The following MTMR11 variants were observed in gnomAD, a reference collection of about 807,000 sequenced individuals.
MTMR11 encodes the protein myotubularin-related protein 11.
In MTMR11, 89 loss-of-function variants were observed where a neutral mutation model predicts 100.0. The observed-to-expected ratio is 0.89, with a 90% CI of 0.75 to 1.06. MTMR11 has a LOEUF of 1.06. MTMR11 is among the 50% of genes least tolerant of loss of function. The pLI is 0.00. For missense variants in MTMR11, 809 were observed against 873.7 expected (o/e 0.93, Z 0.93); for synonymous variants, 336 against 326.3 (o/e 1.03, Z -0.32).
chr1:149,928,847 A>G lies in MTMR11; in HGVS notation c.*282T>C. 1 of 1,606,670 alleles carries G rather than the reference A, an allele frequency of 6.2e-7. No homozygotes were observed. The highest frequency in any genetic ancestry group is 8.5e-7 in the Non-Finnish European group (1 of 1,173,196). ...GGCCATCTTGTTGGGACTGATGAAC[A>G]GCATCTCTGATCTCATGATTTAACA... On this transcript the variant is annotated 3_prime_UTR_variant, in exon 17 of 17. Transcript: ENST00000439741.
At position 149,929,243 on chromosome 1, in the gene MTMR11, C is replaced by T. The variant is rs1553766805; in HGVS notation, c.2016G>A (p.Trp672Ter). ...GATCCTCAGGAGATATTCTTGGTGTCCATTTCCGTAATAACTCCTGAAGAT... is the reference window on the plus strand; with the variant it reads ...GATCCTCAGGAGATATTCTTGGTGTTCATTTCCGTAATAACTCCTGAAGAT... ...LSHLQELLRK[W>*]TPRISPEDHS... The change falls in exon 17 of 17, where the codon TGG becomes TGA. Residue 672 changes from tryptophan (W) to a stop codon, truncating the protein, a stop_gained. Coordinates refer to ENST00000439741, the MANE Select transcript of MTMR11 (RefSeq NM_001145862.2). LOFTEE classifies it high-confidence loss of function. 2.5e-6 allele frequency: 4 copies of T among 1,614,126 alleles called. No homozygotes were observed. The South Asian group carries it at 3.3e-5, about 13-fold the overall frequency.
rs2092663051 is a variant in MTMR11, at chr1:149,931,708, T to C, written c.1123+236A>G. The stretch of plus-strand genomic sequence containing the variant: ...ACTGCCCTTCCCACCCCAACCCCAG[T>C]CTCCATCCGCTGATGGAAGGAAAGG... On this transcript the variant is annotated intron_variant, in intron 12 of 16. Transcript: ENST00000439741. 6.9e-6 allele frequency: 4 copies of C among 579,238 alleles called. No homozygotes were observed. In the Admixed American group the frequency reaches 1.3e-4, roughly 18 times the overall value. The allele number at this position is 579,238 out of a possible 1,614,324, so 35.9% of individuals were successfully genotyped here. A position where few individuals can be genotyped will look rare whatever the true frequency, so the allele number is the denominator to read the frequency against.
chr1:149,932,328 AATCTGATAGAGGGTAGAAAG>A lies in MTMR11; in HGVS notation c.986-18_987del. Reference sequence around the variant, plus strand: ...AGCCATTTATCCTCAGCTACAGATGAATCTGATAGAGGGTAGAAAGATCAGAAGGGCAAGAGATTAGAACT... The same window carrying A: ...AGCCATTTATCCTCAGCTACAGATGAATCAGAAGGGCAAGAGATTAGAACT... On this transcript the variant is annotated splice_acceptor_variant and splice_polypyrimidine_tract_variant and coding_sequence_variant and intron_variant, in exon 11 of 17. Transcript: ENST00000439741. LOFTEE classifies it high-confidence loss of function. 6.2e-7 allele frequency: 1 copy of A among 1,613,034 alleles called. No individual in the cohort carries two copies. Among genetic ancestry groups the A allele is most frequent in the Non-Finnish European group, 8.5e-7 (1 of 1,178,996 alleles).
In MTMR11 at chr1:149,929,894, G is replaced by T; in HGVS notation, c.1670C>A (p.Pro557His). 1 of 1,611,908 alleles carries T rather than the reference G, an allele frequency of 6.2e-7. No homozygotes were observed. The highest frequency in any genetic ancestry group is 8.5e-7 in the Non-Finnish European group (1 of 1,178,660). The change falls in exon 16 of 17, where the codon CCC becomes CAC. Residue 557 changes from proline to histidine, a missense_variant. By Grantham distance (77) the Pro-to-His change is moderately conservative (BLOSUM62 -2). Coordinates refer to ENST00000439741, the MANE Select transcript of MTMR11 (RefSeq NM_001145862.2). ...RPQPSFMVPG[P>H]PSSVWLFSRG... Reference sequence around the variant, plus strand: ...AGAGAAGAGCCACACAGAACTGGGGGGTCCAGGAACCATGAAGCTTGGCTA... The same window carrying T: ...AGAGAAGAGCCACACAGAACTGGGGTGTCCAGGAACCATGAAGCTTGGCTA...
Position 149,930,509 on chromosome 1 carries a change from G to A in MTMR11, c.1503C>T (p.Ser501=), listed in dbSNP as rs1281237894. Residue 501 remains serine (S), a synonymous_variant, in exon 15 of 17, where the codon TCC becomes TCT. Coordinates refer to ENST00000439741, the MANE Select transcript of MTMR11 (RefSeq NM_001145862.2). ...SYTQVYTPGY[S]QPPAGNSFNL... Reference sequence around the variant, plus strand: ...TAAAAGAGTTCCCAGCTGGAGGCTGGGAGTATCCTGGGGTGTAGACTTGTG... The same window carrying A: ...TAAAAGAGTTCCCAGCTGGAGGCTGAGAGTATCCTGGGGTGTAGACTTGTG... The A allele has an allele frequency of 6.2e-7, 1 of 1,613,848 alleles. No homozygotes were observed. The highest frequency in any genetic ancestry group is 8.5e-7 in the Non-Finnish European group (1 of 1,179,962).
At chr1:149,929,462 C>T (rs587635216) in intron 16 of MTMR11, 145 bp from the exon 17 acceptor site, 166 of 1,195,354 alleles carry the variant, frequency 1.4e-4, no homozygotes, top group Non-Finnish European at 1.8e-4. Flanking sequence ...AGCACTTTCC[C>T]GCACCTCCTA....
chr1:149,930,935 C>G lies in MTMR11; in HGVS notation c.1321G>C (p.Val441Leu). Residue 441 changes from valine to leucine, a missense_variant, in exon 14 of 17, where the codon GTC becomes CTC. Physicochemically the swap from Val to Leu is conservative, Grantham distance 32 (BLOSUM62 1). Transcript: ENST00000439741. The stretch of plus-strand genomic sequence containing the variant: ...GGAAACTGCTGGAGGAGCTGCCAGA[C>G]ACAATCAAGGAAGAGGAGAAACACC... ...APVFLLFLDC[V>L]WQLLQQFPAD... The G allele has an allele frequency of 1.2e-6, 2 of 1,609,898 alleles. No homozygotes were observed. The highest frequency in any genetic ancestry group is 2.7e-5 in the African/African-American group (2 of 74,608).
rs782508797 is a variant in MTMR11 at position 149,934,468 on chromosome 1, C to G, written c.527G>C (p.Gly176Ala). The G allele has an allele frequency of 1.9e-6, 3 of 1,614,194 alleles. No individual in the cohort carries two copies. The Admixed American group carries it at 5.0e-5, about 27-fold the overall frequency. Reference sequence around the variant, plus strand: ...CTCACCAGCCTTGCTCAGGGTTATCCCCGAATACTGTTGGGCTTGATTGCT... The same window carrying G: ...CTCACCAGCCTTGCTCAGGGTTATCGCCGAATACTGTTGGGCTTGATTGCT... The part of the protein sequence containing the change: ...AQSNQAQQYS[G>A]ITLSKAGQGS... The change falls in exon 6 of 17, where the codon GGG (glycine) becomes GCG (alanine). Residue 176 changes from glycine to alanine, a missense_variant. By Grantham distance (60) the Gly-to-Ala change is moderately conservative. Transcript: ENST00000439741.
intron 15 of MTMR11, 51 bp from the exon 16 acceptor site, chr1:149,929,967 T>C: frequency 2.6e-6 from 4 of 1,558,584 alleles, no homozygotes; most frequent in Non-Finnish European, 3.5e-6. Flanking sequence ...ATAACCCTAG[T>C]TTCCCCAATC....
Position 149,933,507 on chromosome 1 carries a change from G to C in MTMR11, c.884C>G (p.Ala295Gly), listed in dbSNP as rs782715704. 3 of 1,614,020 alleles carry C rather than the reference G, an allele frequency of 1.9e-6. No homozygotes were observed. The East Asian group carries it at 6.7e-5, about 36-fold the overall frequency. The change falls in exon 10 of 17, where the codon GCT becomes GGT. Residue 295 changes from alanine (A) to glycine (G), a missense_variant. By Grantham distance (60) the Ala-to-Gly change is moderately conservative. Coordinates refer to ENST00000439741, the MANE Select transcript of MTMR11 (RefSeq NM_001145862.2). ...DIRAVELMLQ[A>G]GHSDVVLVDT... ...TACCAGGACAACATCTGAATGCCCAGCCTGGAGCATCAACTCCACTGCTCT... is the reference window on the plus strand; with the variant it reads ...TACCAGGACAACATCTGAATGCCCACCCTGGAGCATCAACTCCACTGCTCT...
At chr1:149,935,425 A>T in intron 3 of MTMR11, 66 bp from the exon 4 acceptor site, 1 of 1,596,118 alleles carries the variant, frequency 6.3e-7, no homozygotes, top group Non-Finnish European at 8.6e-7. Flanking sequence ...TGGCAGCCCC[A>T]ACCCCTTCTA....
chr1:149,935,574 A>G lies in MTMR11; in HGVS notation c.264+10T>C. ...ACTAGCTGTCATTTCTGTGGCCCCA[A>G]CCATCTCACCTGATTCCACTGCCAT... On this transcript the variant is annotated intron_variant, in intron 3 of 16. Coordinates refer to ENST00000439741, the MANE Select transcript of MTMR11 (RefSeq NM_001145862.2). 6.2e-7 allele frequency: 1 copy of G among 1,612,490 alleles called. No homozygotes were observed. The highest frequency in any genetic ancestry group is 8.5e-7 in the Non-Finnish European group (1 of 1,178,684).
rs1373779784 is a variant in MTMR11 at position 149,934,249 on chromosome 1, G to C, written c.625C>G (p.Gln209Glu). 3 of 1,614,070 alleles carry C rather than the reference G, an allele frequency of 1.9e-6. No individual in the cohort carries two copies. The highest frequency in any genetic ancestry group is 1.1e-5 in the South Asian group (1 of 91,084). ...AEDWETERKK[Q>E]AARGWRVSTV... ...CTGACCCTCCAGCCTCTGGCTGCCT[G>C]CTTCTTCCGCTCAGTCTCCCAGTCT... The change falls in exon 7 of 17, where the codon CAG (glutamine) becomes GAG (glutamate). Residue 209 changes from glutamine (Q) to glutamate (E), a missense_variant. By Grantham distance (29) the Gln-to-Glu change is conservative (BLOSUM62 2). Transcript: ENST00000439741.
At chr1:149,936,477 C>T in intron 1 of MTMR11, 105 bp downstream of exon 1, 1 of 1,269,268 alleles carries the variant, frequency 7.9e-7, no homozygotes, top group Non-Finnish European at 1.1e-6. Flanking sequence ...GATAGACAGA[C>T]ACACCCTCCT....
chr1:149,933,600 C>A lies in MTMR11; in HGVS notation c.860+10G>T. Reference sequence around the variant, plus strand: ...CTAACCCTTGATTCTTCTCATCAAGCCTCCCTCACCTGATATCCTCCTTGT... The same window carrying A: ...CTAACCCTTGATTCTTCTCATCAAGACTCCCTCACCTGATATCCTCCTTGT... On this transcript the variant is annotated intron_variant, in intron 9 of 16. Transcript: ENST00000439741. The A allele has an allele frequency of 3.1e-6, 5 of 1,614,138 alleles. No homozygotes were observed. Among genetic ancestry groups the A allele is most frequent in the Non-Finnish European group, 4.2e-6 (5 of 1,180,000 alleles).
chr1:149,935,218 T>G, intron 4 of MTMR11, 81 bp downstream of exon 4: 1 of 1,607,034 alleles, frequency 6.2e-7, no homozygotes, highest in South Asian at 1.1e-5. Flanking sequence ...ATCCCTGCTG[T>G]TTTCTGAGAA....
rs963577606 is a variant in MTMR11, at chr1:149,934,309, T to C, written c.565A>G (p.Arg189Gly). 2.5e-6 allele frequency: 4 copies of C among 1,614,238 alleles called. No homozygotes were observed. Among genetic ancestry groups the C allele is most frequent in the Non-Finnish European group, 3.4e-6 (4 of 1,180,052 alleles). The part of the protein sequence containing the change: ...LSKAGQGSGS[R>G]KPPIPLMETA... ...TCCATGAGAGGAATTGGTGGTTTTC[T>C]GGAGCCAGAACCCTGGCCTAGAACA... The change falls in exon 7 of 17, where the codon AGA becomes GGA. Residue 189 changes from arginine (R) to glycine (G), a missense_variant. Physicochemically the swap from Arg to Gly is moderately radical, Grantham distance 125. Coordinates refer to ENST00000439741, the MANE Select transcript of MTMR11 (RefSeq NM_001145862.2).
At chr1:149,931,874 T>C (rs2092664884) in intron 12 of MTMR11, 70 bp downstream of exon 12, 3 of 1,404,156 alleles carry the variant, frequency 2.1e-6, no homozygotes, top group Admixed American at 3.4e-5. Context: ...TCTCCCTCCC[T>C]GAATGCAATC....
intron 15 of MTMR11, 117 bp from the exon 16 acceptor site, chr1:149,930,033 T>C: frequency 9.2e-7 from 1 of 1,089,032 alleles, no homozygotes. Flanking sequence ...TGACTAGAAC[T>C]ACAAGCCTCC....
Sources: gnomAD v4.1 joint callset for allele counts on GRCh38, gnomAD v4.1.1 for gene constraint, MANE v1.5 for transcripts, NCBI Gene and HGNC (gene_info 2026-07-23, HGNC 2026-07-21) for gene names.